GABRG3: variants seen among roughly 807,000 people sequenced by gnomAD.
GABRG3 encodes gamma-aminobutyric acid receptor subunit gamma-3.
GABRG3 carries 25 observed loss-of-function variants against 48.8 expected under a neutral mutation model. That is an observed-to-expected ratio of 0.51 (90% confidence interval 0.37 to 0.72). The LOEUF is 0.72. GABRG3 is among the 30% of genes least tolerant of loss of function. The pLI is 0.00. For synonymous variants in GABRG3, 227 were observed against 217.6 expected, an observed-to-expected ratio of 1.04 and a Z score of -0.38; for missense variants, 394 against 577.9, an observed-to-expected ratio of 0.68 and a Z score of 3.26.
At chr15:27,112,505 A>G (rs1897570800) in intron 3 of GABRG3, among the ~76,000 whole-genome samples, 1 of 149,762 alleles carries the variant, frequency 6.7e-6, no homozygotes, top group African/African-American at 2.5e-5. Context: ...CTGTGGTACA[A>G]TCTCAGCTTA....
intron 3 of GABRG3, among the ~76,000 whole-genome samples, chr15:27,221,961 G>A (rs543014143): frequency 3.9e-5 from 6 of 152,288 alleles, no homozygotes; most frequent in African/African-American, 1.2e-4. Context: ...GAGGATAGCA[G>A]GTGCTTTTGG....
intron 3 of GABRG3, among the ~76,000 whole-genome samples, chr15:27,218,992 A>G (rs534671625): frequency 2.6e-5 from 4 of 152,272 alleles, no homozygotes; most frequent in Admixed American, 2.6e-4. Context: ...GACCCTGGCC[A>G]TACCGGGGTC....
At chr15:27,420,131 G>T (rs564542848) in intron 5 of GABRG3, among the ~76,000 whole-genome samples, 2 of 152,132 alleles carry the variant, frequency 1.3e-5, no homozygotes, top group Non-Finnish European at 2.9e-5. Context: ...AGACCCTGCC[G>T]TGCAAATCCT....
chr15:27,098,515 T>C (rs539109367), intron 3 of GABRG3, among the ~76,000 whole-genome samples: 1 of 152,312 alleles, frequency 6.6e-6, no homozygotes, highest in East Asian at 1.9e-4. Context: ...GATATCCTTT[T>C]TTTAAAGCCA....
intron 2 of GABRG3, among the ~76,000 whole-genome samples, chr15:26,982,530 A>G (rs534886747): frequency 6.6e-6 from 1 of 152,232 alleles, no homozygotes; most frequent in South Asian, 2.1e-4. Context: ...TATTCCTCAC[A>G]CCCCAACAAT....
intron 3 of GABRG3, among the ~76,000 whole-genome samples, chr15:27,125,799 G>T (rs1043548744): frequency 1.3e-5 from 2 of 152,236 alleles, no homozygotes; most frequent in African/African-American, 4.8e-5. Flanking sequence ...GCAACTGGCC[G>T]CTGTCTGCCG....
chr15:27,536,355 A>G lies in GABRG3; in HGVS notation c.*3474A>G, dbSNP rs572988857. ...CTGGACCCAGCCAATACTGCCCCCA[A>G]TTTACCCAAAACATGCCTTAAAATG... On this transcript the variant is annotated 3_prime_UTR_variant, in exon 10 of 10. Coordinates refer to ENST00000615808, the MANE Select transcript of GABRG3 (RefSeq NM_033223.5). 1 of 152,300 alleles carries G rather than the reference A, an allele frequency of 6.6e-6. No individual in the cohort carries two copies. The highest frequency in any genetic ancestry group is 6.5e-5 in the Admixed American group (1 of 15,306). 9.4% of individuals were successfully genotyped at this position (152,300 alleles called of 1,614,324 possible). A position where few individuals can be genotyped will look rare whatever the true frequency, so the allele number is the denominator to read the frequency against.
intron 3 of GABRG3, among the ~76,000 whole-genome samples, chr15:27,138,486 C>T (rs1019017531): frequency 3.1e-4 from 47 of 152,146 alleles, no homozygotes; most frequent in Non-Finnish European, 4.1e-4. Flanking sequence ...CTAAATCTTC[C>T]TTCAGCCTCC....
intron 3 of GABRG3, among the ~76,000 whole-genome samples, chr15:27,137,036 C>A (rs994152416): frequency 2.6e-5 from 4 of 152,178 alleles, no homozygotes; most frequent in Non-Finnish European, 5.9e-5. Flanking sequence ...CCGCTCCAGC[C>A]CAGCATCCTG....
chr15:27,087,403 C>T lies in GABRG3; in HGVS notation c.270+60582C>T, dbSNP rs191551490. Among the ~76,000 whole-genome samples, 7 of 152,328 alleles carry T rather than the reference C, an allele frequency of 4.6e-5. No homozygotes were observed. In the East Asian group the frequency reaches 1.4e-3, roughly 29 times the overall value. ...GCATTTATTGACAGCCTACTTGTGT[C>T]AGACCGCCTTGGGGTGCTGGCAGCA... On this transcript the variant is annotated intron_variant, in intron 3 of 9. Transcript: ENST00000615808.
chr15:27,438,114 A>G (rs1566840857), intron 5 of GABRG3, among the ~76,000 whole-genome samples: 2 of 152,218 alleles, frequency 1.3e-5, no homozygotes, highest in Non-Finnish European at 2.9e-5. Context: ...CAGAAGCTCC[A>G]GGGATCCAAG....
intron 5 of GABRG3, among the ~76,000 whole-genome samples, chr15:27,393,350 A>T (rs1448403688): frequency 2.0e-5 from 1 of 50,992 alleles, no homozygotes; most frequent in African/African-American, 6.0e-5. Flanking sequence ...TCTCCAAAAA[A>T]AAAAAAAAAA....
rs183624760 is a variant in GABRG3 at position 27,102,639 on chromosome 15, A to G, written c.270+75818A>G. On this transcript the variant is annotated intron_variant, in intron 3 of 9. Transcript: ENST00000615808. Reference sequence around the variant, plus strand: ...GATTATTCCTTGGTCACATAACTATAAACAAGTTACTTTCTTCACTAGGTG... The same window carrying G: ...GATTATTCCTTGGTCACATAACTATGAACAAGTTACTTTCTTCACTAGGTG... 7.5e-3 allele frequency among the ~76,000 whole-genome samples: 1,143 copies of G among 152,302 alleles called. 6 individuals are homozygous for G. The highest frequency in any genetic ancestry group is 0.014 in the Middle Eastern group (4 of 294).
At chr15:27,065,758 A>C (rs1475763986) in intron 3 of GABRG3, among the ~76,000 whole-genome samples, 2 of 152,244 alleles carry the variant, frequency 1.3e-5, no homozygotes, top group African/African-American at 4.8e-5. Flanking sequence ...AATGCTGCCC[A>C]ATAGGACACA....
intron 3 of GABRG3, among the ~76,000 whole-genome samples, chr15:27,223,052 C>T: frequency 6.6e-6 from 1 of 152,212 alleles, no homozygotes; most frequent in South Asian, 2.1e-4. Flanking sequence ...AATCCAAAGT[C>T]ATGATTCATT....
chr15:27,504,902 G>T (rs917144164), intron 6 of GABRG3, among the ~76,000 whole-genome samples: 12 of 152,094 alleles, frequency 7.9e-5, no homozygotes, highest in Non-Finnish European at 1.8e-4. Flanking sequence ...ATTTACAAGA[G>T]AATTTATTTA....
At chr15:27,472,433 G>A (rs560782234) in intron 5 of GABRG3, among the ~76,000 whole-genome samples, 3 of 152,098 alleles carry the variant, frequency 2.0e-5, no homozygotes, top group African/African-American at 7.2e-5. Context: ...ATACCACCAT[G>A]CCCTGCTAAT....
chr15:27,090,658 T>G (rs1897169160), intron 3 of GABRG3, among the ~76,000 whole-genome samples: 2 of 152,182 alleles, frequency 1.3e-5, no homozygotes, highest in African/African-American at 4.8e-5. Context: ...TTATTTGTGT[T>G]TTAAAAAAAT....
At position 27,355,263 on chromosome 15, in the gene GABRG3, T is replaced by A. The variant is rs544677334; in HGVS notation, c.574+26375T>A. Among the ~76,000 whole-genome samples the A allele has an allele frequency of 2.0e-5, 3 of 152,334 alleles. No homozygotes were observed. The South Asian group carries it at 6.2e-4, about 32-fold the overall frequency. ...TGGAAAGAGGGAGAATTAAAGCATG[T>A]GAGTGTGCAACTCAACAATAAAAAC... On this transcript the variant is annotated intron_variant, in intron 5 of 9. Coordinates refer to ENST00000615808, the MANE Select transcript of GABRG3 (RefSeq NM_033223.5).
Sources: gnomAD v4.1 joint callset for allele counts (sites outside exome capture counted in the v4.1 genomes callset) on GRCh38, gnomAD v4.1.1 for gene constraint, MANE v1.5 for transcripts, NCBI Gene and HGNC (gene_info 2026-07-23, HGNC 2026-07-21) for gene names.